Variants in SIK2 observed in about 807,000 individuals in gnomAD.
SIK2 encodes the protein serine/threonine-protein kinase SIK2.
In SIK2, 29 loss-of-function variants were observed where a neutral mutation model predicts 103.2. The observed-to-expected ratio is 0.28, with a 90% CI of 0.21 to 0.38. The LOEUF (loss-of-function observed/expected upper bound fraction) is 0.38. SIK2 is among the 10% of genes least tolerant of loss of function. The pLI is 1.00. For missense variants in SIK2, 879 were observed against 1,171.0 expected (o/e 0.75, Z 3.64); for synonymous variants, 412 against 446.1 (o/e 0.92, Z 0.96).
chr11:111,648,761 A>G (rs751279153), intron 3 of SIK2, among the ~76,000 whole-genome samples: 2 of 152,068 alleles, frequency 1.3e-5, no homozygotes, highest in East Asian at 3.8e-4. Flanking sequence ...TGTACATTGT[A>G]TGTTTGTTCT....
At position 111,727,171 on chromosome 11, in the gene SIK2, T is replaced by TGTCA; in HGVS notation, c.*3043_*3046dup. 1 of 840,390 alleles carries TGTCA rather than the reference T, an allele frequency of 1.2e-6. No individual in the cohort carries two copies. The highest frequency in any genetic ancestry group is 1.5e-5 in the South Asian group (1 of 66,858). 52.1% of individuals were successfully genotyped at this position (840,390 alleles called of 1,614,324 possible). ...CGCCACCTCTGCCTGCACTGCCTTC[T>TGTCA]GTCACCGTGGGAAAAGGAGGCTGAT... On this transcript the variant is annotated 3_prime_UTR_variant, in exon 15 of 15. Transcript: ENST00000304987.
In SIK2 at chr11:111,719,963, G is replaced by A; in HGVS notation, c.1455G>A (p.Leu485=). ...GCAGCGGGCAGAGACGGCACACTCT[G>A]TCAGAAGTGACCAATCAACTGGTCG... ...STRSGQRRHT[L]SEVTNQLVVM... The change falls in exon 10 of 15, where the codon CTG becomes CTA. Residue 485 remains leucine, a synonymous_variant. Coordinates refer to ENST00000304987, the MANE Select transcript of SIK2 (RefSeq NM_015191.3). 1 of 1,614,132 alleles carries A rather than the reference G, an allele frequency of 6.2e-7. No homozygotes were observed.
At chr11:111,606,394 G>A (rs777134677) in intron 1 of SIK2, among the ~76,000 whole-genome samples, 38 of 152,010 alleles carry the variant, frequency 2.5e-4, no homozygotes, top group Non-Finnish European at 4.4e-4. Flanking sequence ...TTAACATTAT[G>A]GCACTAGTCT....
chr11:111,706,656 C>T (rs886834341), intron 8 of SIK2, among the ~76,000 whole-genome samples: 2 of 152,044 alleles, frequency 1.3e-5, no homozygotes, highest in Admixed American at 6.6e-5. Flanking sequence ...GTTATACGTA[C>T]TTTATATATA....
chr11:111,678,307 T>C (rs908657542), intron 3 of SIK2, among the ~76,000 whole-genome samples: 3 of 152,236 alleles, frequency 2.0e-5, no homozygotes, highest in African/African-American at 7.2e-5. Flanking sequence ...TCATTGTCTT[T>C]TTCTCCACTC....
chr11:111,710,766 A>G (rs559427874), intron 8 of SIK2, among the ~76,000 whole-genome samples: 5 of 152,338 alleles, frequency 3.3e-5, no homozygotes, highest in African/African-American at 1.2e-4. Flanking sequence ...AGGAAACCTG[A>G]TTAAGGTCAC....
At chr11:111,704,508 A>C (rs1008445236) in intron 7 of SIK2, among the ~76,000 whole-genome samples, 8 of 152,252 alleles carry the variant, frequency 5.3e-5, no homozygotes, top group African/African-American at 1.9e-4. Flanking sequence ...TCCAGATGCC[A>C]TTCTCCAGCC....
At chr11:111,718,148 G>GTCCC (rs1218283468) in intron 9 of SIK2, among the ~76,000 whole-genome samples, 1 of 152,286 alleles carries the variant, frequency 6.6e-6, no homozygotes, top group East Asian at 1.9e-4. Flanking sequence ...GACGGAGGCC[G>GTCCC]TAAGTGTAAG....
intron 4 of SIK2, among the ~76,000 whole-genome samples, chr11:111,693,039 A>G (rs1433721005): frequency 2.6e-5 from 4 of 152,134 alleles, no homozygotes; most frequent in Non-Finnish European, 4.4e-5. Flanking sequence ...CCCGTGGGTA[A>G]AAACTTGAGA....
intron 9 of SIK2, among the ~76,000 whole-genome samples, chr11:111,717,616 C>G (rs1318431304): frequency 6.6e-6 from 1 of 152,148 alleles, no homozygotes; most frequent in East Asian, 1.9e-4. Context: ...GAATGTAAAT[C>G]ATTCTATTAT....
intron 3 of SIK2, among the ~76,000 whole-genome samples, chr11:111,677,511 A>G (rs1193488685): frequency 6.6e-6 from 1 of 151,202 alleles, no homozygotes; most frequent in African/African-American, 2.4e-5. Flanking sequence ...TCCGCCTCCC[A>G]GGTTCATGCG....
At chr11:111,667,924 C>T (rs1441313598) in intron 3 of SIK2, among the ~76,000 whole-genome samples, 1 of 152,018 alleles carries the variant, frequency 6.6e-6, no homozygotes, top group African/African-American at 2.4e-5. Flanking sequence ...ACAATTAATT[C>T]GAGAATGACA....
In SIK2 at chr11:111,602,996, C is replaced by A. The variant is rs1011478789; in HGVS notation, c.135+298C>A. On this transcript the variant is annotated intron_variant, in intron 1 of 14. Coordinates refer to ENST00000304987, the MANE Select transcript of SIK2 (RefSeq NM_015191.3). The surrounding 1 kb of genome is among the most constrained non-coding windows in gnomAD (Gnocchi z 4.5). Reference sequence around the variant, plus strand: ...ACCCGGAATTTCGCCCAGAGCCCCCCACCCGGGCCGTGACCTGGTCTGTGG... The same window carrying A: ...ACCCGGAATTTCGCCCAGAGCCCCCAACCCGGGCCGTGACCTGGTCTGTGG... Among the ~76,000 whole-genome samples, 2 of 152,102 alleles carry A rather than the reference C, an allele frequency of 1.3e-5. No individual in the cohort carries two copies. The highest frequency in any genetic ancestry group is 6.5e-5 in the Admixed American group (1 of 15,288).
Position 111,722,815 on chromosome 11 carries a change from T to C in SIK2, c.2147+59T>C. The C allele has an allele frequency of 6.8e-7, 1 of 1,468,148 alleles. No individual in the cohort carries two copies. The allele number at this position is 1,468,148 out of a possible 1,614,324, so 90.9% of individuals were successfully genotyped here. A position where few individuals can be genotyped will look rare whatever the true frequency, so the allele number is the denominator to read the frequency against. The stretch of plus-strand genomic sequence containing the variant: ...CCTTTTCTGGAAGCCTTGAGAACAC[T>C]GAATGTGTTGTCCTTTTCCTCTCAC... On this transcript the variant is annotated intron_variant, in intron 14 of 14. Coordinates refer to ENST00000304987, the MANE Select transcript of SIK2 (RefSeq NM_015191.3). This position sits in a 1 kb window ranked among gnomAD's most constrained non-coding sequence, Gnocchi z 4.4.
Position 111,602,449 on chromosome 11 carries a change from A to C in SIK2, c.-115A>C. 3.6e-6 allele frequency: 4 copies of C among 1,097,086 alleles called. No individual in the cohort carries two copies. Among genetic ancestry groups the C allele is most frequent in the Non-Finnish European group, 4.7e-6 (4 of 848,788 alleles). 68.0% of individuals were successfully genotyped at this position (1,097,086 alleles called of 1,614,324 possible). On this transcript the variant is annotated 5_prime_UTR_variant, in exon 1 of 15. Coordinates refer to ENST00000304987, the MANE Select transcript of SIK2 (RefSeq NM_015191.3). The surrounding 1 kb of genome is among the most constrained non-coding windows in gnomAD (Gnocchi z 4.5). ...GGCTGGGCCCTGGGGAGCGGGAGGG[A>C]AGGAGCGAAGGAGCGAAGGAGCAAG...
At chr11:111,678,444 C>G (rs1942734327) in intron 3 of SIK2, among the ~76,000 whole-genome samples, 1 of 151,982 alleles carries the variant, frequency 6.6e-6, no homozygotes, top group Non-Finnish European at 1.5e-5. Flanking sequence ...TAATTTGATT[C>G]CATGAGGGAG....
At chr11:111,625,146 G>C (rs1462660234) in intron 3 of SIK2, among the ~76,000 whole-genome samples, 2 of 152,270 alleles carry the variant, frequency 1.3e-5, no homozygotes, top group East Asian at 1.9e-4. Context: ...GAAGGATTTT[G>C]ACTCTTACAT....
chr11:111,690,749 G>A (rs1289132069), intron 4 of SIK2, among the ~76,000 whole-genome samples: 3 of 152,018 alleles, frequency 2.0e-5, no homozygotes. Flanking sequence ...GAGGATGATG[G>A]TTTCCAGCTT....
intron 3 of SIK2, among the ~76,000 whole-genome samples, chr11:111,628,966 T>C (rs535710900): frequency 6.6e-6 from 1 of 152,222 alleles, no homozygotes; most frequent in Admixed American, 6.5e-5. Context: ...AGAATGGCCA[T>C]CTGAGAGCCA....
Sources: allele counts gnomAD v4.1 joint callset (sites outside exome capture counted in the v4.1 genomes callset), GRCh38; gene constraint gnomAD v4.1.1; non-coding constraint Gnocchi (gnomAD v3.1); transcripts MANE v1.5; gene names NCBI Gene and HGNC (gene_info 2026-07-23, HGNC 2026-07-21).